NPSR1: variants seen among roughly 807,000 people sequenced by gnomAD.
NPSR1 encodes the protein neuropeptide S receptor 1.
In NPSR1, 48 loss-of-function variants were observed where a neutral mutation model predicts 46.9. The observed-to-expected ratio is 1.02, with a 90% CI of 0.81 to 1.30. The LOEUF is 1.30. Ranked by LOEUF, NPSR1 falls within the 50% of genes most tolerant of loss-of-function variation. The pLI is 0.00. For missense variants in NPSR1, 450 were observed against 449.5 expected (o/e 1.00, Z -0.01); for synonymous variants, 176 against 168.1 (o/e 1.05, Z -0.36).
At chr7:34,769,145 T>C (rs994923151) in intron 2 of NPSR1, among the ~76,000 whole-genome samples, 3 of 152,178 alleles carry the variant, frequency 2.0e-5, no homozygotes, top group South Asian at 4.1e-4. Flanking sequence ...TTTCCTTCTA[T>C]TTCAGCCTGG....
intron 2 of NPSR1, 89 bp downstream of exon 2, chr7:34,684,773 AAT>A (rs1215679729): frequency 2.1e-6 from 2 of 973,812 alleles, no homozygotes; most frequent in Non-Finnish European, 1.5e-6. Context: ...AAAAAAAAAA[AAT>A]GTAACGCATC....
At chr7:34,676,800 C>T (rs1238525018) in intron 1 of NPSR1, among the ~76,000 whole-genome samples, 4 of 152,014 alleles carry the variant, frequency 2.6e-5, no homozygotes, top group African/African-American at 7.2e-5. Context: ...AGCATTTGCC[C>T]GGGGAGGCTT....
At chr7:34,675,087 T>C (rs768687730) in intron 1 of NPSR1, among the ~76,000 whole-genome samples, 4 of 152,174 alleles carry the variant, frequency 2.6e-5, no homozygotes, top group Non-Finnish European at 4.4e-5. Context: ...GTAACCCAGG[T>C]AAGTAACTTC....
At chr7:34,694,985 G>A (rs1248486787) in intron 2 of NPSR1, among the ~76,000 whole-genome samples, 2 of 152,132 alleles carry the variant, frequency 1.3e-5, no homozygotes, top group Non-Finnish European at 2.9e-5. Context: ...TGGGATTACA[G>A]GTGTGAACCA....
chr7:34,822,162 G>C (rs1030837486), intron 4 of NPSR1, among the ~76,000 whole-genome samples: 17 of 152,212 alleles, frequency 1.1e-4, no homozygotes, highest in African/African-American at 4.1e-4. Context: ...GGCAGCCGGT[G>C]AGAACGCGAC....
At chr7:34,798,702 A>T (rs557691179) in intron 3 of NPSR1, among the ~76,000 whole-genome samples, 1 of 152,312 alleles carries the variant, frequency 6.6e-6, no homozygotes, top group East Asian at 1.9e-4. Context: ...TGCGATTTCC[A>T]TCAAGAGAAA....
At chr7:34,684,186 C>T (rs959020841) in intron 1 of NPSR1, among the ~76,000 whole-genome samples, 1 of 152,124 alleles carries the variant, frequency 6.6e-6, no homozygotes, top group East Asian at 1.9e-4. Flanking sequence ...GCTTTATTTA[C>T]TTAGCTACCC....
intron 8 of NPSR1, among the ~76,000 whole-genome samples, chr7:34,872,304 A>G (rs13309641): frequency 6.6e-6 from 1 of 151,964 alleles, no homozygotes; most frequent in Non-Finnish European, 1.5e-5. Context: ...GCAAGGCCGT[A>G]GGCCTGGCCC....
intron 1 of NPSR1, among the ~76,000 whole-genome samples, chr7:34,664,400 G>A (rs985468267): frequency 1.3e-5 from 2 of 152,176 alleles, no homozygotes; most frequent in African/African-American, 4.8e-5. Flanking sequence ...GCCCCCAGGA[G>A]TGTTCATTAT....
chr7:34,851,778 G>T (rs1176137851), downstream of NPSR1, among the ~76,000 whole-genome samples: 3 of 152,162 alleles, frequency 2.0e-5, no homozygotes, highest in Non-Finnish European at 2.9e-5. Flanking sequence ...GGAGAGAGTG[G>T]AGTGAGGGGC....
At chr7:34,824,558 A>G (rs1053067366) in intron 4 of NPSR1, among the ~76,000 whole-genome samples, 1 of 152,178 alleles carries the variant, frequency 6.6e-6, no homozygotes, top group Non-Finnish European at 1.5e-5. Context: ...CAGCACCAGT[A>G]AGAGAAAAAC....
At position 34,674,431 on chromosome 7, in the gene NPSR1, A is replaced by G. The variant is rs1383697099; in HGVS notation, c.148-10121A>G. 2.0e-5 allele frequency among the ~76,000 whole-genome samples: 3 copies of G among 152,288 alleles called. No individual in the cohort carries two copies. In the East Asian group the frequency reaches 5.8e-4, roughly 29 times the overall value. ...GAGATTTTCAATCTTTGCACTTGAT[A>G]TTGCCAACTCACCTAAGCAAATTAA... is the stretch of plus-strand genomic sequence containing the variant. On this transcript the variant is annotated intron_variant, in intron 1 of 8. Transcript: ENST00000360581.
chr7:34,877,065 G>A (rs529144015), intron 8 of NPSR1, among the ~76,000 whole-genome samples: 2 of 152,278 alleles, frequency 1.3e-5, no homozygotes, highest in East Asian at 1.9e-4. Flanking sequence ...CATAGGAGTT[G>A]GGAAGTTAGA....
chr7:34,856,938 C>A (rs1791064088), intron 8 of NPSR1, among the ~76,000 whole-genome samples: 1 of 151,518 alleles, frequency 6.6e-6, no homozygotes, highest in African/African-American at 2.4e-5. Context: ...CTAGCATCTG[C>A]TGATCTCTAA....
intron 3 of NPSR1, among the ~76,000 whole-genome samples, chr7:34,791,018 ATATGT>A (rs1230137945): frequency 8.4e-6 from 1 of 119,724 alleles, no homozygotes; most frequent in African/African-American, 3.5e-5. Flanking sequence ...GTTATATTAT[ATATGT>A]TATATGTTAT....
At chr7:34,858,193 C>A (rs1791092954) in intron 8 of NPSR1, among the ~76,000 whole-genome samples, 1 of 151,616 alleles carries the variant, frequency 6.6e-6, no homozygotes, top group Non-Finnish European at 1.5e-5. Flanking sequence ...TGAGTACACA[C>A]CCTACAGAAG....
chr7:34,874,568 T>G (rs1435009324), intron 8 of NPSR1, among the ~76,000 whole-genome samples: 1 of 152,218 alleles, frequency 6.6e-6, no homozygotes, highest in Non-Finnish European at 1.5e-5. Flanking sequence ...CATGGGATGT[T>G]CAATGAAACC....
At chr7:34,872,437 T>G (rs1791480279) in intron 8 of NPSR1, among the ~76,000 whole-genome samples, 1 of 151,964 alleles carries the variant, frequency 6.6e-6, no homozygotes, top group East Asian at 1.9e-4. Flanking sequence ...TCCCCTTAGG[T>G]CAGGCTAATT....
chr7:34,750,483 G>A lies in NPSR1; in HGVS notation c.281-27979G>A, dbSNP rs36048121. The stretch of plus-strand genomic sequence containing the variant: ...GAGGCTGCAGAAGCCAGAGGCTGGT[G>A]CCTACAAACAGTGGATGGTTTCTTG... On this transcript the variant is annotated intron_variant, in intron 2 of 8. Coordinates refer to ENST00000360581, the MANE Select transcript of NPSR1 (RefSeq NM_207172.2). The A allele has an allele frequency of 6.8e-3, 4,938 of 722,134 alleles. 50 individuals are homozygous for A. Among genetic ancestry groups the A allele is most frequent in the Non-Finnish European group, 8.5e-3 (3,266 of 385,392 alleles). 44.7% of individuals were successfully genotyped at this position (722,134 alleles called of 1,614,324 possible). A position where few individuals can be genotyped will look rare whatever the true frequency, so the allele number is the denominator to read the frequency against.
Sources: allele counts gnomAD v4.1 joint callset (sites outside exome capture counted in the v4.1 genomes callset), GRCh38; gene constraint gnomAD v4.1.1; transcripts MANE v1.5; gene names NCBI Gene and HGNC (gene_info 2026-07-23, HGNC 2026-07-21).